Variants in CORIN observed in about 807,000 individuals in gnomAD.
CORIN encodes atrial natriuretic peptide-converting enzyme.
CORIN carries 117 observed loss-of-function variants against 125.3 expected under a neutral mutation model. That is an observed-to-expected ratio of 0.93 (90% CI 0.80 to 1.09). The LOEUF is 1.09. Ranked by LOEUF, CORIN falls within the 50% of genes least tolerant of loss-of-function variation. The pLI, the probability that CORIN is intolerant of heterozygous loss-of-function variation, is 0.00. For missense variants in CORIN, 1,253 were observed against 1,306.7 expected (o/e 0.96, Z 0.63); for synonymous variants, 450 against 466.4 (o/e 0.96, Z 0.45).
chr4:47,740,297 T>G (rs10001009), intron 5 of CORIN, among the ~76,000 whole-genome samples: 22,375 of 151,898 alleles, frequency 0.15, 2,238 homozygotes, highest in African/African-American at 0.28. Flanking sequence ...TAGATCTCAT[T>G]GGTTTATCGT....
intron 19 of CORIN, among the ~76,000 whole-genome samples, chr4:47,611,448 C>T (rs961796209): frequency 1.8e-4 from 27 of 152,130 alleles, no homozygotes; most frequent in African/African-American, 6.5e-4. Context: ...GATTTTGTAT[C>T]CTGAGACTTT....
chr4:47,742,687 T>C (rs1267660921), intron 5 of CORIN, among the ~76,000 whole-genome samples: 4 of 152,054 alleles, frequency 2.6e-5, no homozygotes, highest in Non-Finnish European at 4.4e-5. Context: ...ATTTGATCTA[T>C]ATATTTAATG....
chr4:47,685,671 A>G (rs939423468), intron 6 of CORIN, among the ~76,000 whole-genome samples: 2 of 152,154 alleles, frequency 1.3e-5, no homozygotes, highest in Non-Finnish European at 2.9e-5. Flanking sequence ...AGCTGTAAAA[A>G]TGTTTAAAAT....
At chr4:47,818,340 T>C (rs1040900655) in intron 1 of CORIN, among the ~76,000 whole-genome samples, 1 of 152,074 alleles carries the variant, frequency 6.6e-6, no homozygotes, top group Non-Finnish European at 1.5e-5. Context: ...TGCACCCAGG[T>C]CTAATACGCT....
intron 1 of CORIN, among the ~76,000 whole-genome samples, chr4:47,826,502 A>G (rs568134108): frequency 1.9e-4 from 29 of 152,248 alleles, no homozygotes; most frequent in Non-Finnish European, 3.8e-4. Context: ...TTTTCAGCTT[A>G]TAGTGGCTGT....
Position 47,786,714 on chromosome 4 carries a change from T to C in CORIN, c.409+11A>G. 1 of 1,610,548 alleles carries C rather than the reference T, an allele frequency of 6.2e-7. No individual in the cohort carries two copies. Among genetic ancestry groups the C allele is most frequent in the South Asian group, 1.1e-5 (1 of 90,990 alleles). Reference sequence around the variant, plus strand: ...TTAAAAGCCTCTAGCATGTATCACCTTTGGACTTACTTGTATTCCTGTGAC... The same window carrying C: ...TTAAAAGCCTCTAGCATGTATCACCCTTGGACTTACTTGTATTCCTGTGAC... On this transcript the variant is annotated intron_variant, in intron 3 of 21. Transcript: ENST00000273857.
chr4:47,690,172 T>G (rs951281967), intron 6 of CORIN, among the ~76,000 whole-genome samples: 6 of 152,184 alleles, frequency 3.9e-5, no homozygotes, highest in African/African-American at 1.4e-4. Context: ...TTAAAACATT[T>G]TCCTGCAATA....
intron 1 of CORIN, 73 bp downstream of exon 1, chr4:47,837,814 C>T: frequency 7.4e-7 from 1 of 1,350,902 alleles, no homozygotes; most frequent in Non-Finnish European, 1.1e-6. Flanking sequence ...GCGGGAGGGG[C>T]TGACCCTGAA....
chr4:47,799,536 T>C (rs1372236810), intron 2 of CORIN, among the ~76,000 whole-genome samples: 2 of 152,204 alleles, frequency 1.3e-5, no homozygotes, highest in African/African-American at 2.4e-5. Context: ...TTTTTTCATA[T>C]GTTTGTTGGA....
chr4:47,652,851 A>G (rs1462988199), intron 13 of CORIN: 6 of 152,246 alleles, frequency 3.9e-5, no homozygotes, highest in African/African-American at 1.4e-4. Context: ...ATGTCTATTT[A>G]GCAACATGGG....
chr4:47,795,267 A>G (rs1482642297), intron 2 of CORIN, among the ~76,000 whole-genome samples: 1 of 152,036 alleles, frequency 6.6e-6, no homozygotes, highest in East Asian at 1.9e-4. Context: ...CGCTTTGGGT[A>G]TTTGGGATCT....
chr4:47,641,280 C>T (rs145996229), intron 16 of CORIN, among the ~76,000 whole-genome samples: 1 of 152,274 alleles, frequency 6.6e-6, no homozygotes, highest in African/African-American at 2.4e-5. Context: ...TCCCCCAAAT[C>T]TCAAATACAT....
chr4:47,768,223 T>C (rs1015269628), intron 3 of CORIN, among the ~76,000 whole-genome samples: 10 of 151,946 alleles, frequency 6.6e-5, no homozygotes, highest in African/African-American at 2.4e-4. Context: ...CTTCGCTAAC[T>C]CTCTTTTCGG....
At chr4:47,661,519 A>G in intron 12 of CORIN, 192 bp downstream of exon 12, 1 of 519,468 alleles carries the variant, frequency 1.9e-6, no homozygotes, top group East Asian at 3.0e-5. Context: ...TTTTAAAATG[A>G]ATGCAATATC....
chr4:47,716,999 T>C (rs1727122429), intron 5 of CORIN, among the ~76,000 whole-genome samples: 1 of 152,152 alleles, frequency 6.6e-6, no homozygotes, highest in African/African-American at 2.4e-5. Context: ...AAAATTTCTA[T>C]AGAAAGAATA....
chr4:47,637,171 T>C (rs763308255), intron 16 of CORIN, among the ~76,000 whole-genome samples: 8 of 152,182 alleles, frequency 5.3e-5, no homozygotes, highest in African/African-American at 7.2e-5. Flanking sequence ...ACTTGACAGA[T>C]GATTTAGGAT....
At chr4:47,609,732 A>G (rs1222377105) in intron 19 of CORIN, among the ~76,000 whole-genome samples, 4 of 152,086 alleles carry the variant, frequency 2.6e-5, no homozygotes, top group Non-Finnish European at 5.9e-5. Context: ...TCCATTAGCT[A>G]TTCTCCGTGA....
intron 1 of CORIN, among the ~76,000 whole-genome samples, chr4:47,825,480 C>T (rs1050192793): frequency 2.0e-5 from 3 of 152,176 alleles, no homozygotes; most frequent in East Asian, 3.9e-4. Flanking sequence ...TCAGACCCTC[C>T]AGGTAATTCT....
At chr4:47,735,474 A>T (rs1015806491) in intron 5 of CORIN, among the ~76,000 whole-genome samples, 4 of 152,348 alleles carry the variant, frequency 2.6e-5, no homozygotes, top group African/African-American at 9.6e-5. Context: ...TTTCTGTTCT[A>T]TTTAAACATA....
Sources: allele counts gnomAD v4.1 joint callset (sites outside exome capture counted in the v4.1 genomes callset), GRCh38; gene constraint gnomAD v4.1.1; transcripts MANE v1.5; gene names NCBI Gene and HGNC (gene_info 2026-07-23, HGNC 2026-07-21).